Variants in PACRG observed in about 807,000 individuals in gnomAD.
PACRG encodes the protein parkin coregulated.
PACRG carries 29 observed loss-of-function variants against 29.7 expected under a neutral mutation model. The observed-to-expected ratio is 0.98, with a 90% confidence interval of 0.73 to 1.33. The LOEUF (loss-of-function observed/expected upper bound fraction) is 1.33, where lower values mean the gene tolerates loss of function less well. Among genes scored for constraint, PACRG ranks in the 40% most tolerant of loss-of-function variants. The pLI, the probability that PACRG is intolerant of heterozygous loss-of-function variation, is 0.00. For synonymous variants in PACRG, 116 were observed against 118.7 expected, an observed-to-expected ratio of 0.98 and a Z score of 0.15; for missense variants, 279 against 316.2, an observed-to-expected ratio of 0.88 and a Z score of 0.89.
chr6:163,282,651 G>A (rs1276878315), intron 4 of PACRG, among the ~76,000 whole-genome samples: 2 of 148,864 alleles, frequency 1.3e-5, no homozygotes, highest in Non-Finnish European at 1.5e-5. Context: ...GGTGGAGGTT[G>A]AAATGAGCTG....
At chr6:162,861,086 C>A (rs75970887) in intron 2 of PACRG, among the ~76,000 whole-genome samples, 2 of 152,230 alleles carry the variant, frequency 1.3e-5, no homozygotes, top group Admixed American at 1.3e-4. Flanking sequence ...GAAGGCTGTG[C>A]GCTTCTTGTT....
intron 2 of PACRG, among the ~76,000 whole-genome samples, chr6:162,976,220 T>G (rs1239735474): frequency 6.6e-6 from 1 of 152,204 alleles, no homozygotes; most frequent in Non-Finnish European, 1.5e-5. Context: ...GTTTTAAAAC[T>G]TAAATTGTAA....
chr6:162,918,719 T>C (rs1796865689), intron 2 of PACRG, among the ~76,000 whole-genome samples: 1 of 152,180 alleles, frequency 6.6e-6, no homozygotes, highest in Non-Finnish European at 1.5e-5. Context: ...TAATACAAAA[T>C]GTTCAGTTGA....
intron 4 of PACRG, among the ~76,000 whole-genome samples, chr6:163,110,375 A>G (rs16894498): frequency 0.099 from 15,125 of 152,304 alleles, 887 homozygotes; most frequent in African/African-American, 0.13. Flanking sequence ...AGAATAGTGC[A>G]TGTAAATTAA....
intron 4 of PACRG, among the ~76,000 whole-genome samples, chr6:163,089,682 G>GT (rs1370277027): frequency 2.0e-5 from 3 of 151,984 alleles, no homozygotes; most frequent in Non-Finnish European, 4.4e-5. Flanking sequence ...TAAATTTGAA[G>GT]TTTTTTTAAT....
chr6:162,943,384 G>A (rs1216515383), intron 2 of PACRG, among the ~76,000 whole-genome samples: 1 of 152,182 alleles, frequency 6.6e-6, no homozygotes, highest in African/African-American at 2.4e-5. Context: ...ACCAGCAGCA[G>A]TGGGCTGTTG....
chr6:163,036,891 TCCATCCATCCATCCATCCATCCATTCAC>T (rs1808247737), intron 2 of PACRG, among the ~76,000 whole-genome samples: 1 of 151,576 alleles, frequency 6.6e-6, no homozygotes, highest in South Asian at 2.1e-4. Flanking sequence ...CATCCATCCA[TCCATCCATCCATCCATCCATCCATTCAC>T]CCAGGTCTCT....
At chr6:163,181,429 C>G (rs1236698080) in intron 4 of PACRG, among the ~76,000 whole-genome samples, 1 of 152,036 alleles carries the variant, frequency 6.6e-6, no homozygotes, top group East Asian at 1.9e-4. Context: ...AGCCAATTCT[C>G]CATTCTTCTG....
intron 1 of PACRG, among the ~76,000 whole-genome samples, chr6:162,745,789 T>C (rs1456386888): frequency 1.3e-5 from 2 of 152,146 alleles, no homozygotes; most frequent in Admixed American, 1.3e-4. Flanking sequence ...AGTGAAGAAG[T>C]GTTCTGCTTA....
At position 163,299,996 on chromosome 6, in the gene PACRG, G is replaced by A. The variant is rs1276115035; in HGVS notation, c.614-14831G>A. Among the ~76,000 whole-genome samples, 3 of 152,242 alleles carry A rather than the reference G, an allele frequency of 2.0e-5. No individual in the cohort carries two copies. In the East Asian group the frequency reaches 5.8e-4, roughly 29 times the overall value. ...GCACGTAGGGGGCACAGAGCTCCCA[G>A]TACAGATATTTCCAAGAGGCTGGAA... On this transcript the variant is annotated intron_variant, in intron 4 of 4. Transcript: ENST00000366888.
At chr6:163,125,088 A>G (rs959902938) in intron 4 of PACRG, among the ~76,000 whole-genome samples, 2 of 151,882 alleles carry the variant, frequency 1.3e-5, no homozygotes. Context: ...TTCAGAAAAA[A>G]CTCCAAGAGT....
intron 2 of PACRG, among the ~76,000 whole-genome samples, chr6:163,048,705 G>T (rs923114576): frequency 6.6e-6 from 1 of 152,082 alleles, no homozygotes; most frequent in Non-Finnish European, 1.5e-5. Flanking sequence ...TTCCTAATGT[G>T]TTGTTCTTTC....
intron 2 of PACRG, among the ~76,000 whole-genome samples, chr6:163,035,823 A>C (rs984761843): frequency 6.6e-6 from 1 of 151,120 alleles, no homozygotes; most frequent in African/African-American, 2.4e-5. Flanking sequence ...AAAAAAAAAA[A>C]AAAAAAAAAA....
chr6:162,835,841 T>C (rs189763042), intron 2 of PACRG, among the ~76,000 whole-genome samples: 1 of 152,286 alleles, frequency 6.6e-6, no homozygotes, highest in African/African-American at 2.4e-5. Flanking sequence ...TTCAACTCTT[T>C]TAAGGTCTTC....
chr6:162,934,799 A>G (rs988409815), intron 2 of PACRG, among the ~76,000 whole-genome samples: 1 of 152,106 alleles, frequency 6.6e-6, no homozygotes, highest in East Asian at 1.9e-4. Context: ...ATGTGTTTTC[A>G]TGATGGTAGA....
intron 2 of PACRG, chr6:162,957,259 G>C: frequency 2.0e-6 from 1 of 502,070 alleles, no homozygotes; most frequent in Non-Finnish European, 3.8e-6. Context: ...TGCTTATGCT[G>C]TCAACACTTT....
chr6:162,842,114 G>A (rs1231882922), intron 2 of PACRG, among the ~76,000 whole-genome samples: 4 of 148,378 alleles, frequency 2.7e-5, no homozygotes, highest in East Asian at 2.0e-4. Flanking sequence ...TATTAGGTCC[G>A]CTTGGTGCAG....
rs1206333691 is a variant in PACRG at position 163,234,422 on chromosome 6, C to T, written c.614-80405C>T. Among the ~76,000 whole-genome samples, 4 of 152,302 alleles carry T rather than the reference C, an allele frequency of 2.6e-5. No homozygotes were observed. In the East Asian group the frequency reaches 7.7e-4, roughly 29 times the overall value. On this transcript the variant is annotated intron_variant, in intron 4 of 4. Transcript: ENST00000366888. ...TCTCTGGCCATGTGATCTCTGCACA[C>T]ACCAGCTCCCCTTCGTCTTCCACAA...
chr6:162,890,792 G>A (rs1162155566), intron 2 of PACRG, among the ~76,000 whole-genome samples: 1 of 152,124 alleles, frequency 6.6e-6, no homozygotes, highest in Non-Finnish European at 1.5e-5. Flanking sequence ...ACTGTTGAAA[G>A]CCGTCCAGCA....
Sources: gnomAD v4.1 joint callset for allele counts (sites outside exome capture counted in the v4.1 genomes callset) on GRCh38, gnomAD v4.1.1 for gene constraint, MANE v1.5 for transcripts, NCBI Gene and HGNC (gene_info 2026-07-23, HGNC 2026-07-21) for gene names.